The following RAB9B variants were observed in gnomAD, a reference collection of about 807,000 sequenced individuals.
RAB9B encodes the protein ras-related protein Rab-9B.
A neutral mutation model predicts 8.9 loss-of-function variants in RAB9B; 1 was observed. The observed-to-expected ratio is 0.11, with a 90% CI of 0.04 to 0.53. The LOEUF (loss-of-function observed/expected upper bound fraction) is 0.53. Ranked by LOEUF, RAB9B falls within the 20% of genes least tolerant of loss-of-function variation. The pLI, the probability that RAB9B is intolerant of heterozygous loss-of-function variation, is 0.93. For synonymous variants in RAB9B, 63 were observed against 57.0 expected (o/e 1.10, Z -0.47); for missense variants, 82 against 152.9 (o/e 0.54, Z 2.45).
chrX:103,809,820 G>A, the RAB9B span, among the ~76,000 whole-genome samples: 2 of 107,790 alleles, frequency 1.9e-5, no homozygotes, highest in South Asian at 8.4e-4. Context: ...CTCAGAGGCA[G>A]GGTCTCTCTT....
downstream of RAB9B, among the ~76,000 whole-genome samples, chrX:103,820,248 C>T (rs1246922939): frequency 8.9e-6 from 1 of 112,225 alleles, no homozygotes; most frequent in Non-Finnish European, 1.9e-5. Context: ...TACAGTTTAT[C>T]TGCCCTAAAA....
chrX:103,796,547 T>G, the RAB9B span, among the ~76,000 whole-genome samples: 2 of 111,085 alleles, frequency 1.8e-5, no homozygotes, highest in African/African-American at 6.6e-5. Flanking sequence ...CAATAATAGC[T>G]GCACTTTATC....
chrX:103,802,492 C>T, the RAB9B span, among the ~76,000 whole-genome samples: 2 of 111,312 alleles, frequency 1.8e-5, no homozygotes, highest in Non-Finnish European at 3.8e-5. Flanking sequence ...GTAAGCAGGA[C>T]TACAGTTTAG....
the RAB9B span, among the ~76,000 whole-genome samples, chrX:103,811,802 G>A: frequency 7.2e-5 from 8 of 110,727 alleles, no homozygotes; most frequent in South Asian, 7.8e-4. Flanking sequence ...TACCATAGAC[G>A]GGATGGCTTA....
the RAB9B span, among the ~76,000 whole-genome samples, chrX:103,808,120 G>A: frequency 2.7e-5 from 3 of 111,749 alleles, no homozygotes; most frequent in Non-Finnish European, 5.6e-5. Context: ...TTCTCTTTGA[G>A]TCTTTGTTTG....
the RAB9B span, among the ~76,000 whole-genome samples, chrX:103,783,518 A>T: frequency 8.9e-6 from 1 of 111,980 alleles, no homozygotes; most frequent in Non-Finnish European, 1.9e-5. Flanking sequence ...ATTTCAGGGG[A>T]TGGTGGGTAA....
the RAB9B span, among the ~76,000 whole-genome samples, chrX:103,808,353 C>T: frequency 8.9e-6 from 1 of 111,849 alleles, no homozygotes; most frequent in Admixed American, 9.4e-5. Context: ...TTAATAAACA[C>T]CCAATAAATG....
At chrX:103,781,124 T>A in the RAB9B span, 1 of 230,722 alleles carries the variant, frequency 4.3e-6, no homozygotes, top group Non-Finnish European at 8.4e-6. Flanking sequence ...TTCCTTTCGA[T>A]GAAAGCCCTT....
intron 1 of RAB9B, among the ~76,000 whole-genome samples, chrX:103,828,028 T>A (rs2074690263): frequency 8.9e-6 from 1 of 111,909 alleles, no homozygotes; most frequent in African/African-American, 3.2e-5. Context: ...TAAATATACA[T>A]TCATCTAATA....
At position 103,822,979 on chromosome X, in the gene RAB9B, A is replaced by T. The variant is rs976576323; in HGVS notation, c.*2200T>A. On this transcript the variant is annotated 3_prime_UTR_variant, in exon 3 of 3. Transcript: ENST00000243298. ...GTCTTAGATGGACAGGATGCCTATG[A>T]ATCCGATACCCATGTAATTTTTTTT... 1 of 111,245 alleles carries T rather than the reference A, an allele frequency of 9.0e-6. No homozygotes were observed. The highest frequency in any genetic ancestry group is 1.9e-5 in the Non-Finnish European group (1 of 53,083). 9.2% of individuals were successfully genotyped at this position (111,245 alleles called of 1,213,427 possible).
the RAB9B span, chrX:103,780,967 C>T: frequency 1.4e-5 from 2 of 145,614 alleles, no homozygotes; most frequent in East Asian, 3.2e-4. Flanking sequence ...AGATTCGAGA[C>T]CTAGGGAGGT....
downstream of RAB9B, among the ~76,000 whole-genome samples, chrX:103,820,983 T>TACACACACAAACACACAC (rs2074657729): frequency 4.8e-5 from 1 of 20,968 alleles, no homozygotes; most frequent in Non-Finnish European, 8.1e-5. Context: ...CACACACACA[T>TACACACACAAACACACAC]ACACACACAC....
chrX:103,814,662 A>G, the RAB9B span, among the ~76,000 whole-genome samples: 1 of 111,623 alleles, frequency 9.0e-6, no homozygotes. Context: ...GTTTTTTTGA[A>G]AAGACCAACA....
chrX:103,819,211 C>A (rs1247590876), downstream of RAB9B, among the ~76,000 whole-genome samples: 1 of 111,748 alleles, frequency 8.9e-6, no homozygotes, highest in East Asian at 2.8e-4. Context: ...TTCATTAAGG[C>A]AGCATTTCCC....
chrX:103,782,990 T>G, the RAB9B span, among the ~76,000 whole-genome samples: 6 of 112,112 alleles, frequency 5.4e-5, no homozygotes, highest in Admixed American at 3.8e-4. Flanking sequence ...CTTTCTTTAC[T>G]AGAAAAGTCT....
chrX:103,784,564 T>A, the RAB9B span, among the ~76,000 whole-genome samples: 1 of 112,053 alleles, frequency 8.9e-6, no homozygotes, highest in Non-Finnish European at 1.9e-5. Context: ...CTAAGAAGAA[T>A]CAAGCATTCT....
At chrX:103,811,430 C>T in the RAB9B span, among the ~76,000 whole-genome samples, 1 of 111,835 alleles carries the variant, frequency 8.9e-6, no homozygotes, top group Non-Finnish European at 1.9e-5. Context: ...CTTAGTTTTT[C>T]TTTGATGATC....
chrX:103,789,371 G>C, the RAB9B span: 1 of 1,207,531 alleles, frequency 8.3e-7, no homozygotes, highest in African/African-American at 1.7e-5. Flanking sequence ...CTGCATTTGT[G>C]GGGGCTGCAG....
intron 1 of RAB9B, 117 bp from the exon 2 acceptor site, chrX:103,827,195 G>A (rs1602402659): frequency 9.2e-6 from 1 of 108,206 alleles, no homozygotes. Flanking sequence ...GCAACCTCAA[G>A]TAACCTACAG....
Sources: gnomAD v4.1 joint callset for allele counts (sites outside exome capture counted in the v4.1 genomes callset) on GRCh38, gnomAD v4.1.1 for gene constraint, MANE v1.5 for transcripts, NCBI Gene and HGNC (gene_info 2026-07-23, HGNC 2026-07-21) for gene names.